The following PLCB1 variants were observed in gnomAD, a reference collection of about 807,000 sequenced individuals.
PLCB1 encodes 1-phosphatidylinositol 4,5-bisphosphate phosphodiesterase beta-1.
PLCB1 carries 46 observed loss-of-function variants against 161.8 expected under a neutral mutation model. The ratio of observed to expected loss-of-function variants is 0.28; its 90% CI spans 0.22 to 0.36. The LOEUF (loss-of-function observed/expected upper bound fraction) is 0.36, where lower values mean the gene tolerates loss of function less well. Among genes scored for constraint, PLCB1 ranks in the 10% least tolerant of loss-of-function variants. The pLI is 1.00. For missense variants in PLCB1, 1,016 were observed against 1,472.5 expected (o/e 0.69, Z 5.07); for synonymous variants, 517 against 503.7 (o/e 1.03, Z -0.35).
chr20:8,293,450 C>G (rs536901327), intron 2 of PLCB1, among the ~76,000 whole-genome samples: 6 of 152,138 alleles, frequency 3.9e-5, no homozygotes, highest in African/African-American at 1.4e-4. Flanking sequence ...TGAAAAGCCA[C>G]AAAGAGTAAA....
chr20:8,189,695 C>A (rs1475374341), intron 2 of PLCB1, among the ~76,000 whole-genome samples: 1 of 152,018 alleles, frequency 6.6e-6, no homozygotes, highest in East Asian at 1.9e-4. Context: ...GTGCATATGA[C>A]AATGTCTTTA....
chr20:8,766,314 G>A (rs1982312467), intron 26 of PLCB1, among the ~76,000 whole-genome samples: 1 of 152,180 alleles, frequency 6.6e-6, no homozygotes, highest in Non-Finnish European at 1.5e-5. Flanking sequence ...GGACCATGGG[G>A]TAGAGAATGA....
chr20:8,854,205 A>G (rs1179443636), intron 31 of PLCB1, among the ~76,000 whole-genome samples: 2 of 152,144 alleles, frequency 1.3e-5, no homozygotes, highest in Non-Finnish European at 2.9e-5. Flanking sequence ...CACAGTCCTC[A>G]GTTGCTGAAA....
chr20:8,684,650 A>G (rs1233170175), intron 9 of PLCB1, among the ~76,000 whole-genome samples: 3 of 152,188 alleles, frequency 2.0e-5, no homozygotes, highest in Non-Finnish European at 4.4e-5. Flanking sequence ...GTGCCGATCC[A>G]TAAAGTTAAT....
At position 8,466,396 on chromosome 20, in the gene PLCB1, C is replaced by T. The variant is rs558789135; in HGVS notation, c.246+94946C>T. Among the ~76,000 whole-genome samples the T allele has an allele frequency of 2.2e-4, 33 of 150,934 alleles. 1 individual carries two copies. The South Asian group carries it at 4.2e-3, about 19-fold the overall frequency. ...CTAGATGACGAGTTAGTGGGTGCAG[C>T]GCACCAGCATGGCACATGTATACAT... On this transcript the variant is annotated intron_variant, in intron 3 of 31. Transcript: ENST00000338037.
chr20:8,654,416 G>A (rs1989398214), intron 7 of PLCB1, among the ~76,000 whole-genome samples: 1 of 152,016 alleles, frequency 6.6e-6, no homozygotes, highest in Non-Finnish European at 1.5e-5. Context: ...CCCAAGGTCT[G>A]GTATCATCTC....
intron 2 of PLCB1, among the ~76,000 whole-genome samples, chr20:8,369,583 C>G (rs986797685): frequency 6.6e-6 from 1 of 152,176 alleles, no homozygotes; most frequent in African/African-American, 2.4e-5. Flanking sequence ...AAGGTAACCT[C>G]CAATATTGTG....
intron 3 of PLCB1, among the ~76,000 whole-genome samples, chr20:8,589,779 C>T (rs946881915): frequency 3.3e-5 from 5 of 151,844 alleles, no homozygotes; most frequent in Non-Finnish European, 7.4e-5. Flanking sequence ...CCATGCCAGG[C>T]TAATATTTTA....
chr20:8,300,327 G>A (rs1983842620), intron 2 of PLCB1, among the ~76,000 whole-genome samples: 1 of 152,158 alleles, frequency 6.6e-6, no homozygotes, highest in South Asian at 2.1e-4. Flanking sequence ...AAGGGGCAGA[G>A]AATTAGACTT....
intron 2 of PLCB1, among the ~76,000 whole-genome samples, chr20:8,353,835 G>A (rs962953838): frequency 3.3e-4 from 50 of 152,046 alleles, no homozygotes; most frequent in African/African-American, 1.2e-3. Flanking sequence ...TCAAAACTAA[G>A]GAATATCAAT....
chr20:8,595,779 T>G (rs2123122667), intron 3 of PLCB1, among the ~76,000 whole-genome samples: 1 of 147,020 alleles, frequency 6.8e-6, no homozygotes, highest in Admixed American at 6.8e-5. Context: ...CCTGACTTTT[T>G]AATGATTGCC....
At chr20:8,594,838 T>C (rs1213084066) in intron 3 of PLCB1, among the ~76,000 whole-genome samples, 1 of 152,202 alleles carries the variant, frequency 6.6e-6, no homozygotes, top group Non-Finnish European at 1.5e-5. Context: ...TAAGCACATC[T>C]CTAATTCATT....
chr20:8,656,840 A>C (rs1989473353), intron 7 of PLCB1, among the ~76,000 whole-genome samples: 1 of 151,914 alleles, frequency 6.6e-6, no homozygotes, highest in Non-Finnish European at 1.5e-5. Flanking sequence ...TATCTTTCCT[A>C]GATCTAACTT....
intron 3 of PLCB1, among the ~76,000 whole-genome samples, chr20:8,442,412 CT>C (rs994964211): frequency 1.4e-4 from 21 of 152,256 alleles, no homozygotes; most frequent in African/African-American, 5.1e-4. Context: ...TATGAAGCCT[CT>C]TTTATAAAGG....
intron 3 of PLCB1, among the ~76,000 whole-genome samples, chr20:8,619,500 A>T (rs1988121754): frequency 6.6e-6 from 1 of 152,210 alleles, no homozygotes; most frequent in African/African-American, 2.4e-5. Flanking sequence ...AGCATTCTTA[A>T]AATAAGTAAT....
intron 3 of PLCB1, among the ~76,000 whole-genome samples, chr20:8,427,489 A>T (rs957530088): frequency 2.6e-5 from 4 of 152,312 alleles, no homozygotes; most frequent in African/African-American, 9.6e-5. Flanking sequence ...GAAATATTTT[A>T]AAAAGACTTT....
chr20:8,481,430 CT>C (rs1982494817), intron 3 of PLCB1, among the ~76,000 whole-genome samples: 1 of 152,074 alleles, frequency 6.6e-6, no homozygotes, highest in South Asian at 2.1e-4. Flanking sequence ...CCTGTTATAT[CT>C]TCTATTTGTA....
chr20:8,400,254 G>A (rs2745760), intron 3 of PLCB1, among the ~76,000 whole-genome samples: 3,076 of 152,156 alleles, frequency 0.02, 112 homozygotes, highest in African/African-American at 0.067. Flanking sequence ...AGTTGAATAA[G>A]TTTTCCTTTA....
chr20:8,269,232 C>T (rs1409969052), intron 2 of PLCB1, among the ~76,000 whole-genome samples: 1 of 152,098 alleles, frequency 6.6e-6, no homozygotes, highest in Non-Finnish European at 1.5e-5. Context: ...TATCCCTACC[C>T]CATCCCCCCA....
Sources: gnomAD v4.1 joint callset for allele counts (sites outside exome capture counted in the v4.1 genomes callset) on GRCh38, gnomAD v4.1.1 for gene constraint, MANE v1.5 for transcripts, NCBI Gene and HGNC (gene_info 2026-07-23, HGNC 2026-07-21) for gene names.